The following PCDH15 variants were observed in gnomAD, a reference collection of about 807,000 sequenced individuals.
The protein encoded by PCDH15 is protocadherin related 15.
Under a neutral mutation model 178.5 loss-of-function variants are expected in PCDH15, and 129 were observed. The observed-to-expected ratio is 0.72, with a 90% CI of 0.63 to 0.84. The LOEUF is 0.84. Among genes scored for constraint, PCDH15 ranks in the 40% least tolerant of loss-of-function variants. The probability of loss-of-function intolerance (pLI) is 0.00; values close to 1 mark genes in which losing one functional copy is unlikely to be tolerated. For missense variants in PCDH15, 2,230 were observed against 2,099.9 expected, an observed-to-expected ratio of 1.06 and a Z score of -1.21; for synonymous variants, 800 against 732.0, an observed-to-expected ratio of 1.09 and a Z score of -1.50.
chr10:54,176,848 A>G (rs2133712623), intron 13 of PCDH15, among the ~76,000 whole-genome samples: 1 of 152,286 alleles, frequency 6.6e-6, no homozygotes, highest in South Asian at 2.1e-4. Context: ...CAGTCACCTT[A>G]GAAGACAGCT....
intron 1 of PCDH15, among the ~76,000 whole-genome samples, chr10:55,201,844 GGTTT>G (rs1397970273): frequency 6.6e-6 from 1 of 152,010 alleles, no homozygotes; most frequent in Non-Finnish European, 1.5e-5. Context: ...TTAATAAATA[GGTTT>G]GTTTGTCTAC....
chr10:54,664,061 A>C, intron 2 of PCDH15, 111 bp downstream of exon 2: 3 of 844,100 alleles, frequency 3.6e-6, no homozygotes, highest in Non-Finnish European at 5.9e-6. Flanking sequence ...CAGAGATACT[A>C]ACCTTTCAAT....
chr10:55,586,821 T>G (rs1842735208), intron 2 of PCDH15, among the ~76,000 whole-genome samples: 2 of 152,122 alleles, frequency 1.3e-5, no homozygotes, highest in Admixed American at 1.3e-4. Context: ...TCAAAAAAAT[T>G]ATACCTCAAT....
chr10:55,068,047 C>G (rs1841611821), intron 2 of PCDH15, among the ~76,000 whole-genome samples: 1 of 152,014 alleles, frequency 6.6e-6, no homozygotes, highest in African/African-American at 2.4e-5. Flanking sequence ...GTTGTCTCTA[C>G]AGTCTGTTAG....
At chr10:54,429,039 G>A (rs1271985414) in intron 3 of PCDH15, among the ~76,000 whole-genome samples, 1 of 151,368 alleles carries the variant, frequency 6.6e-6, no homozygotes, top group Non-Finnish European at 1.5e-5. Flanking sequence ...GTGTAGCACT[G>A]TAATGGTGAT....
chr10:54,679,565 A>T (rs1336201), intron 1 of PCDH15, among the ~76,000 whole-genome samples: 132,317 of 152,224 alleles, frequency 0.87, 58,158 homozygotes, highest in Middle Eastern at 0.93. Flanking sequence ...ATTCCAACTG[A>T]CATATTAAAC....
intron 13 of PCDH15, among the ~76,000 whole-genome samples, chr10:54,182,508 TGTG>T (rs1243391407): frequency 1.3e-5 from 1 of 74,690 alleles, no homozygotes; most frequent in Admixed American, 1.3e-4. Flanking sequence ...AGAAAAAAAG[TGTG>T]TGTGTGTGTG....
intron 25 of PCDH15, among the ~76,000 whole-genome samples, chr10:53,927,291 T>C (rs1448236209): frequency 6.6e-6 from 1 of 152,112 alleles, no homozygotes; most frequent in Non-Finnish European, 1.5e-5. Context: ...CAAAGGAGCA[T>C]TGTCCCAGTC....
At chr10:54,607,922 T>A (rs1174051218) in intron 2 of PCDH15, 1 of 515,794 alleles carries the variant, frequency 1.9e-6, no homozygotes, top group East Asian at 5.9e-5. Flanking sequence ...TTGAAAGTAA[T>A]GTCAAAAACT....
intron 3 of PCDH15, among the ~76,000 whole-genome samples, chr10:54,384,884 T>G (rs999142889): frequency 6.6e-6 from 1 of 152,094 alleles, no homozygotes; most frequent in Non-Finnish European, 1.5e-5. Flanking sequence ...ACAACCCACA[T>G]ATTCAAAAAA....
chr10:54,191,751 CAAAA>C (rs10564694), intron 11 of PCDH15, among the ~76,000 whole-genome samples: 1,744 of 130,414 alleles, frequency 0.013, 38 homozygotes, highest in African/African-American at 0.037. Context: ...ACAAAAAATG[CAAAA>C]AAAAAAAAAA....
At chr10:55,421,231 C>T (rs1397906950) in intron 2 of PCDH15, among the ~76,000 whole-genome samples, 2 of 150,172 alleles carry the variant, frequency 1.3e-5, no homozygotes, top group African/African-American at 4.9e-5. Flanking sequence ...TCAGATAAGT[C>T]GAGGCAAGAA....
At chr10:55,393,829 T>C (rs926617490) in intron 2 of PCDH15, among the ~76,000 whole-genome samples, 1 of 152,088 alleles carries the variant, frequency 6.6e-6, no homozygotes. Context: ...TGTGCACAAA[T>C]GTCTTTTTGT....
chr10:54,881,971 G>T (rs1954271442), intron 3 of PCDH15, among the ~76,000 whole-genome samples: 1 of 152,042 alleles, frequency 6.6e-6, no homozygotes, highest in Non-Finnish European at 1.5e-5. Flanking sequence ...CTAAATATAA[G>T]TGCCATGAGG....
At chr10:54,733,216 A>C (rs1235881406) in intron 1 of PCDH15, among the ~76,000 whole-genome samples, 1 of 151,732 alleles carries the variant, frequency 6.6e-6, no homozygotes. Flanking sequence ...ATGATTATCT[A>C]TGTAGAAAAT....
intron 7 of PCDH15, among the ~76,000 whole-genome samples, chr10:54,322,588 T>G (rs951415771): frequency 6.6e-6 from 1 of 151,980 alleles, no homozygotes; most frequent in Non-Finnish European, 1.5e-5. Context: ...AGGAAACTAT[T>G]GAAACCCTGA....
chr10:55,437,011 T>G (rs1322711057), intron 2 of PCDH15, among the ~76,000 whole-genome samples: 1 of 152,338 alleles, frequency 6.6e-6, no homozygotes, highest in East Asian at 1.9e-4. Context: ...GAAGAGTCAT[T>G]TTGTTCCCAT....
intron 2 of PCDH15, among the ~76,000 whole-genome samples, chr10:55,386,423 C>CA (rs36017071): frequency 2.9e-4 from 44 of 150,308 alleles, no homozygotes; most frequent in Admixed American, 1.8e-3. Flanking sequence ...AAGCATTTCA[C>CA]AAAAAAAAAT....
intron 1 of PCDH15, among the ~76,000 whole-genome samples, chr10:55,211,460 G>C (rs779072567): frequency 6.8e-4 from 104 of 152,096 alleles, no homozygotes; most frequent in Admixed American, 1.3e-3. Flanking sequence ...AATTCATTTG[G>C]AAAATATAAA....
Sources: gnomAD v4.1 joint callset for allele counts (sites outside exome capture counted in the v4.1 genomes callset) on GRCh38, gnomAD v4.1.1 for gene constraint, MANE v1.5 for transcripts, NCBI Gene and HGNC (gene_info 2026-07-23, HGNC 2026-07-21) for gene names.